The following RTEL1 variants were observed in gnomAD, a reference collection of about 807,000 sequenced individuals.
RTEL1 encodes the protein regulator of telomere elongation helicase 1, also known as regulator of telomere length.
A neutral mutation model predicts 162.2 loss-of-function variants in RTEL1; 86 were observed. The observed-to-expected ratio is 0.53, with a 90% CI of 0.45 to 0.63. RTEL1 has a LOEUF of 0.63. Ranked by LOEUF, RTEL1 falls within the 30% of genes least tolerant of loss-of-function variation. RTEL1 has a pLI of 0.00. For synonymous variants in RTEL1, 958 were observed against 717.9 expected, an observed-to-expected ratio of 1.33 and a Z score of -5.35; for missense variants, 1,941 against 1,750.2, an observed-to-expected ratio of 1.11 and a Z score of -1.95.
rs750764101 is a variant in RTEL1, at chr20:63,666,010, G to T, written c.545G>T (p.Ser182Ile). 2 of 1,614,000 alleles carry T rather than the reference G, an allele frequency of 1.2e-6. No homozygotes were observed. The highest frequency in any genetic ancestry group is 1.7e-6 in the Non-Finnish European group (2 of 1,179,940). ...CCCTGCCTCACACCTGCAGAAAAAA[G>T]CCTGGAGCAGGAGCTGGCCAGCCCC... The part of the protein sequence containing the change: ...CHFYNNVEEK[S>I]LEQELASPIL... The change falls in exon 7 of 35, where the codon AGC becomes ATC. Residue 182 changes from serine (S) to isoleucine (I), a missense_variant. Coordinates refer to ENST00000360203, the MANE Select transcript of RTEL1 (RefSeq NM_001283009.2).
At position 63,690,276 on chromosome 20, in the gene RTEL1, AC is replaced by A; in HGVS notation, c.2266-13del. ...AGAGGAGCCAGAAATGGGTCCACCC[AC>A]CCCCATGGTTCTGCAGATGCCAGCG... On this transcript the variant is annotated splice_polypyrimidine_tract_variant and intron_variant, in intron 25 of 34. Coordinates refer to ENST00000360203, the MANE Select transcript of RTEL1 (RefSeq NM_001283009.2). 2 of 1,600,344 alleles carry A rather than the reference AC, an allele frequency of 1.2e-6. No homozygotes were observed. Among genetic ancestry groups the A allele is most frequent in the Non-Finnish European group, 8.5e-7 (1 of 1,170,424 alleles).
chr20:63,692,472 C>T (rs890309558), intron 28 of RTEL1: 10 of 400,158 alleles, frequency 2.5e-5, no homozygotes, highest in Middle Eastern at 7.2e-4. Flanking sequence ...GCCTCAGCCG[C>T]ATCCGCTGTG....
chr20:63,689,162 C>T (rs778783162), intron 22 of RTEL1, 30 bp downstream of exon 22: 1 of 1,594,626 alleles, frequency 6.3e-7, no homozygotes, highest in South Asian at 1.1e-5. Context: ...CTGCCCTGAC[C>T]TGGTTGCCTG....
At chr20:63,669,699 T>G (rs964466580) in intron 8 of RTEL1, among the ~76,000 whole-genome samples, 5 of 145,238 alleles carry the variant, frequency 3.4e-5, no homozygotes, top group Non-Finnish European at 6.0e-5. Context: ...GACAGACGTT[T>G]CGCCAAGATG....
chr20:63,667,711 GAC>G (rs1044123192), intron 8 of RTEL1, among the ~76,000 whole-genome samples, 158 bp downstream of exon 8: 2 of 152,142 alleles, frequency 1.3e-5, no homozygotes, highest in Non-Finnish European at 2.9e-5. Flanking sequence ...AACCTGGCCA[GAC>G]ACACTTGTGA....
Position 63,693,183 on chromosome 20 carries a change from T to G in RTEL1, c.2892T>G (p.Phe964Leu), listed in dbSNP as rs1470145133. The change falls in exon 30 of 35, where the codon TTT becomes TTG. Residue 964 changes from phenylalanine to leucine, a missense_variant. Transcript: ENST00000360203. ...QFVRPHHKQQ[F>L]EEVCIQLTGR... ...TGCGGCCCCACCATAAGCAGCAGTT[T>G]GAGGAGGTCTGTATCCAGCTGACAG... The G allele has an allele frequency of 1.9e-6, 3 of 1,612,172 alleles. No homozygotes were observed. The highest frequency in any genetic ancestry group is 8.5e-7 in the Non-Finnish European group (1 of 1,179,554).
In RTEL1 at chr20:63,696,050, C is replaced by T; in HGVS notation, c.*192C>T. 2 of 600,912 alleles carry T rather than the reference C, an allele frequency of 3.3e-6. No homozygotes were observed. Among genetic ancestry groups the T allele is most frequent in the South Asian group, 4.1e-5 (2 of 48,744 alleles). The allele number at this position is 600,912 out of a possible 1,614,324, so 37.2% of individuals were successfully genotyped here. A position where few individuals can be genotyped will look rare whatever the true frequency, so the allele number is the denominator to read the frequency against. On this transcript the variant is annotated 3_prime_UTR_variant, in exon 35 of 35. Coordinates refer to ENST00000360203, the MANE Select transcript of RTEL1 (RefSeq NM_001283009.2). The stretch of plus-strand genomic sequence containing the variant: ...CGGATCTGGGCCTGCCTCTGAGAAG[C>T]CCTGAGCTACCTTGGGGTCTGGGGT...
intron 10 of RTEL1, among the ~76,000 whole-genome samples, chr20:63,675,378 C>T (rs999611428): frequency 2.6e-5 from 4 of 152,136 alleles, no homozygotes; most frequent in African/African-American, 9.7e-5. Context: ...CACGGGGACC[C>T]TGGACCCTGG....
intron 21 of RTEL1, 200 bp downstream of exon 21, chr20:63,688,805 A>G: frequency 1.6e-6 from 1 of 634,202 alleles, no homozygotes; most frequent in African/African-American, 1.8e-5. Context: ...GGGTGTGGTA[A>G]CAGTGGCCCT....
chr20:63,668,778 G>A lies in RTEL1; in HGVS notation c.699+1225G>A, dbSNP rs77059380. 8.2e-3 allele frequency among the ~76,000 whole-genome samples: 1,249 copies of A among 152,258 alleles called. 13 individuals carry two copies. The highest frequency in any genetic ancestry group is 0.014 in the Non-Finnish European group (953 of 68,028). ...TCCCTGGGACAGTTATATCACAGCT[G>A]GTAAGCCGAGTCTAACACTTTCACG... On this transcript the variant is annotated intron_variant, in intron 8 of 34. Transcript: ENST00000360203. This position sits in a 1 kb window ranked among gnomAD's most constrained non-coding sequence, Gnocchi z 4.3.
At chr20:63,667,041 G>T (rs138474680) in intron 7 of RTEL1, among the ~76,000 whole-genome samples, 2 of 150,008 alleles carry the variant, frequency 1.3e-5, no homozygotes, top group Non-Finnish European at 3.0e-5. Flanking sequence ...GGGTTTCACC[G>T]TGTTAGCCAG....
intron 8 of RTEL1, 101 bp downstream of exon 8, chr20:63,667,654 A>T (rs2090163279): frequency 2.1e-6 from 2 of 971,058 alleles, no homozygotes; most frequent in Non-Finnish European, 3.3e-6. Context: ...GCCTTAGATC[A>T]GCAGGCCTGG....
chr20:63,667,391 G>C, intron 7 of RTEL1, 78 bp from the exon 8 acceptor site: 1 of 1,153,104 alleles, frequency 8.7e-7, no homozygotes, highest in Non-Finnish European at 1.3e-6. Context: ...GCTCCTTCCG[G>C]GTCAGAAGAC....
chr20:63,661,888 A>T lies in RTEL1; in HGVS notation c.340A>T (p.Arg114Trp). 6.2e-7 allele frequency: 1 copy of T among 1,614,036 alleles called. No individual in the cohort carries two copies. The highest frequency in any genetic ancestry group is 8.5e-7 in the Non-Finnish European group (1 of 1,180,006). The change falls in exon 4 of 35, where the codon AGG (arginine) becomes TGG (tryptophan). Residue 114 changes from arginine to tryptophan, a missense_variant. Arg to Trp is a moderately radical substitution (Grantham distance 101, BLOSUM62 -3). Transcript: ENST00000360203. This position sits in a 1 kb window ranked among gnomAD's most constrained non-coding sequence, Gnocchi z 5.1. Reference sequence around the variant, plus strand: ...CATCCCAAAGATTATTTACGCCTCCAGGACCCACTCGCAACTCACACAGGT... The same window carrying T: ...CATCCCAAAGATTATTTACGCCTCCTGGACCCACTCGCAACTCACACAGGT... Reference protein sequence around the residue: ...TDIPKIIYASRTHSQLTQVIN... With the variant: ...TDIPKIIYASWTHSQLTQVIN...
rs758611174 is a variant in RTEL1, at chr20:63,691,798, G to A, written c.2613G>A (p.Pro871=). 6.8e-6 allele frequency: 11 copies of A among 1,612,232 alleles called. No individual in the cohort carries two copies. Among genetic ancestry groups the A allele is most frequent in the South Asian group, 6.6e-5 (6 of 91,084 alleles). The change falls in exon 28 of 35, where the codon CCG becomes CCA. Residue 871 remains proline, a synonymous_variant. Transcript: ENST00000360203. ...CTGAGAAGAGGCCGGCAGAAGAACC[G>A]CGAGGAGGGAGGAAGAAGATCCGGC... ...LLSEKRPAEE[P]RGGRKKIRLV... is the part of the protein sequence containing the mutation.
At position 63,696,008 on chromosome 20, in the gene RTEL1, G is replaced by A; in HGVS notation, c.*150G>A. 1 of 738,068 alleles carries A rather than the reference G, an allele frequency of 1.4e-6. No homozygotes were observed. Among genetic ancestry groups the A allele is most frequent in the Admixed American group, 2.8e-5 (1 of 36,316 alleles). The allele number at this position is 738,068 out of a possible 1,614,324, so 45.7% of individuals were successfully genotyped here. A position where few individuals can be genotyped will look rare whatever the true frequency, so the allele number is the denominator to read the frequency against. On this transcript the variant is annotated 3_prime_UTR_variant, in exon 35 of 35. Coordinates refer to ENST00000360203, the MANE Select transcript of RTEL1 (RefSeq NM_001283009.2). Reference sequence around the variant, plus strand: ...CCTCAGGCAGGCGGGGCCCATGGTTGGTCCCTGCGGTGGGACCGGATCTGG... The same window carrying A: ...CCTCAGGCAGGCGGGGCCCATGGTTAGTCCCTGCGGTGGGACCGGATCTGG...
chr20:63,696,246 G>A, downstream of RTEL1: 1 of 300,878 alleles, frequency 3.3e-6, no homozygotes, highest in Non-Finnish European at 6.2e-6. Context: ...GCAGTGCCCA[G>A]GACGGTGTCT....
intron 14 of RTEL1, among the ~76,000 whole-genome samples, chr20:63,685,052 T>TTTC (rs1028612904): frequency 1.3e-5 from 2 of 150,550 alleles, no homozygotes; most frequent in African/African-American, 4.9e-5. Flanking sequence ...TAGGTTTTTT[T>TTTC]TTTTTTTTTT....
intron 12 of RTEL1, among the ~76,000 whole-genome samples, chr20:63,678,649 G>GAACAGCACACACACTCCCAC (rs2090413110): frequency 1.5e-4 from 5 of 33,872 alleles, no homozygotes; most frequent in East Asian, 5.9e-4. Flanking sequence ...ACACTCCCAC[G>GAACAGCACACACACTCCCAC]GAACAGCACA....
Sources: gnomAD v4.1 joint callset for allele counts (sites outside exome capture counted in the v4.1 genomes callset) on GRCh38, gnomAD v4.1.1 for gene constraint, Gnocchi (gnomAD v3.1) non-coding constraint, MANE v1.5 for transcripts, NCBI Gene and HGNC (gene_info 2026-07-23, HGNC 2026-07-21) for gene names.